The following AKAP9 variants were observed in gnomAD, a reference collection of about 807,000 sequenced individuals.
AKAP9 encodes the protein A-kinase anchoring protein 9.
A neutral mutation model predicts 488.5 loss-of-function variants in AKAP9; 311 were observed. The observed-to-expected ratio is 0.64, with a 90% CI of 0.58 to 0.70. The LOEUF (loss-of-function observed/expected upper bound fraction) is 0.70. Among genes scored for constraint, AKAP9 ranks in the 30% least tolerant of loss-of-function variants. The probability of loss-of-function intolerance (pLI) is 0.00; values close to 1 mark genes in which losing one functional copy is unlikely to be tolerated. For synonymous variants in AKAP9, 1,462 were observed against 1,483.5 expected (o/e 0.99, Z 0.33); for missense variants, 4,215 against 4,374.5 (o/e 0.96, Z 1.03).
chr7:92,105,845 T>C, intron 47 of AKAP9, 82 bp downstream of exon 47: 1 of 1,266,138 alleles, frequency 7.9e-7, no homozygotes, highest in East Asian at 2.3e-5. Flanking sequence ...GGACCATACT[T>C]GTCTGTGGCC....
Position 92,102,827 on chromosome 7 carries a change from G to T in AKAP9, c.11330+1G>T. The T allele has an allele frequency of 6.2e-7, 1 of 1,613,046 alleles. No homozygotes were observed. The highest frequency in any genetic ancestry group is 8.5e-7 in the Non-Finnish European group (1 of 1,179,268). The stretch of plus-strand genomic sequence containing the variant: ...TCAGAGTATCCATTGCAATTTCCAG[G>T]TAAAGACTTGAAGGAAAATGCATTT... On this transcript the variant is annotated splice_donor_variant, in intron 46 of 49. Transcript: ENST00000356239. LOFTEE classifies it high-confidence loss of function.
intron 29 of AKAP9, 141 bp from the exon 30 acceptor site, chr7:92,077,555 A>T: frequency 1.3e-6 from 1 of 751,436 alleles, no homozygotes; most frequent in Non-Finnish European, 2.2e-6. Flanking sequence ...AAAATATTTT[A>T]GAATTATTGA....
In AKAP9 at chr7:92,098,155, G is replaced by C; in HGVS notation, c.10654G>C (p.Glu3552Gln). 6.2e-7 allele frequency: 1 copy of C among 1,612,964 alleles called. No homozygotes were observed. Among genetic ancestry groups the C allele is most frequent in the Non-Finnish European group, 8.5e-7 (1 of 1,179,104 alleles). ...TGATGAAGATTTCATTTGGGTTCAG[G>C]AAAATATTGATGAAATTATTTTACA... ...ADDEDFIWVQENIDEIILQLQ... is the reference protein window; with the variant it reads ...ADDEDFIWVQQNIDEIILQLQ... The change falls in exon 43 of 50, where the codon GAA becomes CAA. Residue 3552 changes from glutamate to glutamine, a missense_variant. Around this residue, in one of 5 missense-constraint regions of AKAP9, gnomAD observed 1,476 missense variants for 1,477.4 expected, o/e 1.00. Transcript: ENST00000356239.
chr7:91,983,297 T>C (rs1461575391), intron 3 of AKAP9, among the ~76,000 whole-genome samples: 1 of 152,022 alleles, frequency 6.6e-6, no homozygotes, highest in Non-Finnish European at 1.5e-5. Flanking sequence ...TGAGAACATG[T>C]GGTGTTTGGT....
chr7:92,010,088 G>C (rs550536574), intron 8 of AKAP9, among the ~76,000 whole-genome samples: 40 of 152,136 alleles, frequency 2.6e-4, no homozygotes, highest in Non-Finnish European at 5.0e-4. Flanking sequence ...GGAGGATCTC[G>C]CTGTGTTGCC....
chr7:92,082,559 G>A lies in AKAP9; in HGVS notation c.8057G>A (p.Gly2686Glu), dbSNP rs1268680682. The A allele has an allele frequency of 6.2e-7, 1 of 1,613,836 alleles. No individual in the cohort carries two copies. Among genetic ancestry groups the A allele is most frequent in the South Asian group, 1.1e-5 (1 of 91,068 alleles). ...TELFHSNEES[G>E]FFNELEALRA... Reference sequence around the variant, plus strand: ...CTATTTCATAGCAATGAAGAAAGTGGATTTTTTAATGAACTCGAGGCTCTT... The same window carrying A: ...CTATTTCATAGCAATGAAGAAAGTGAATTTTTTAATGAACTCGAGGCTCTT... Residue 2686 changes from glycine (G) to glutamate (E), a missense_variant, in exon 32 of 50, where the codon GGA becomes GAA. Coordinates refer to ENST00000356239, the MANE Select transcript of AKAP9 (RefSeq NM_005751.5).
intron 12 of AKAP9, among the ~76,000 whole-genome samples, chr7:92,021,055 C>T (rs2130727386): frequency 6.6e-6 from 1 of 152,282 alleles, no homozygotes; most frequent in Admixed American, 6.5e-5. Context: ...ATTAAACCCT[C>T]CTCAAGAAGA....
At chr7:92,035,045 C>T (rs773306531) in intron 16 of AKAP9, among the ~76,000 whole-genome samples, 1 of 152,040 alleles carries the variant, frequency 6.6e-6, no homozygotes, top group Non-Finnish European at 1.5e-5. Context: ...AAAGGAATTT[C>T]TTTTCTAATG....
In AKAP9 at chr7:92,079,407, A is replaced by G. The variant is rs150229698; in HGVS notation, c.7274A>G (p.Gln2425Arg). The G allele has an allele frequency of 2.5e-6, 4 of 1,614,112 alleles. No homozygotes were observed. The African/African-American group carries it at 5.3e-5, about 22-fold the overall frequency. ...AAAGAAACCAATTTTAAAATGAATCAGCTAACACAGGAATTATTCAGCTTA... is the reference window on the plus strand; with the variant it reads ...AAAGAAACCAATTTTAAAATGAATCGGCTAACACAGGAATTATTCAGCTTA... The part of the protein sequence containing the change: ...VLKETNFKMN[Q>R]LTQELFSLKR... Residue 2425 changes from glutamine to arginine, a missense_variant, in exon 31 of 50, where the codon CAG becomes CGG. Transcript: ENST00000356239.
chr7:91,992,047 A>G, intron 3 of AKAP9, 111 bp from the exon 4 acceptor site: 1 of 902,634 alleles, frequency 1.1e-6, no homozygotes, highest in Non-Finnish European at 1.8e-6. Context: ...CCAATGATGC[A>G]TTTTCCCTAG....
intron 22 of AKAP9, among the ~76,000 whole-genome samples, chr7:92,059,190 CA>C (rs969187661): frequency 6.6e-6 from 1 of 151,866 alleles, no homozygotes; most frequent in Admixed American, 6.6e-5. Flanking sequence ...TGATACTTTA[CA>C]TGTACTTTTA....
chr7:92,085,783 A>G (rs1239752509), intron 36 of AKAP9, 97 bp downstream of exon 36: 21 of 934,194 alleles, frequency 2.2e-5, no homozygotes, highest in Non-Finnish European at 3.1e-5. Flanking sequence ...ATATTTTTGC[A>G]TGAATAACTA....
intron 12 of AKAP9, among the ~76,000 whole-genome samples, chr7:92,022,032 T>C (rs1365069671): frequency 6.6e-6 from 1 of 152,200 alleles, no homozygotes; most frequent in Non-Finnish European, 1.5e-5. Flanking sequence ...ACTAATATAA[T>C]TTCAGTGCTA....
chr7:92,016,374 T>G, intron 11 of AKAP9, 107 bp downstream of exon 11: 1 of 804,134 alleles, frequency 1.2e-6, no homozygotes, highest in East Asian at 2.7e-5. Flanking sequence ...AAGTTGTTTT[T>G]CATCTTAACA....
Position 92,040,685 on chromosome 7 carries a change from G to C in AKAP9, c.4704G>C (p.Glu1568Asp). 6.9e-7 allele frequency: 1 copy of C among 1,452,978 alleles called. No individual in the cohort carries two copies. The highest frequency in any genetic ancestry group is 9.6e-7 in the Non-Finnish European group (1 of 1,041,078). 90.0% of individuals were successfully genotyped at this position (1,452,978 alleles called of 1,614,324 possible). ...TTTTACTATTAAAGATTCATGATGA[G>C]ATTTCAGTGTCAAGCATGGATGCTT... ...TFIVRQSIHD[E>D]ISVSSMDASR... is the part of the protein sequence containing the mutation. The change falls in exon 18 of 50, where the codon GAG (glutamate) becomes GAC (aspartate). Residue 1568 changes from glutamate (E) to aspartate (D), a missense_variant. Physicochemically the swap from Glu to Asp is conservative, Grantham distance 45 (BLOSUM62 2). Transcript: ENST00000356239.
intron 8 of AKAP9, among the ~76,000 whole-genome samples, chr7:92,008,519 C>G (rs1461113823): frequency 2.0e-5 from 3 of 151,090 alleles, no homozygotes; most frequent in African/African-American, 7.3e-5. Context: ...AACCCCATCT[C>G]TACTAAAAAT....
At chr7:92,100,000 T>G in intron 44 of AKAP9, 131 bp downstream of exon 44, 1 of 780,084 alleles carries the variant, frequency 1.3e-6, no homozygotes, top group Non-Finnish European at 2.1e-6. Flanking sequence ...GTAGAAAATT[T>G]TATAGGGATG....
intron 1 of AKAP9, among the ~76,000 whole-genome samples, chr7:91,965,063 C>T (rs1451149076): frequency 1.3e-5 from 2 of 152,094 alleles, no homozygotes; most frequent in African/African-American, 4.8e-5. Flanking sequence ...TTATTTTATT[C>T]TAGCTATTTT....
intron 16 of AKAP9, among the ~76,000 whole-genome samples, chr7:92,033,952 C>T (rs13231578): frequency 0.42 from 63,097 of 151,870 alleles, 13,565 homozygotes; most frequent in African/African-American, 0.51. Context: ...CCTTACATTC[C>T]AGTTGGTACA....
Sources: allele counts gnomAD v4.1 joint callset (sites outside exome capture counted in the v4.1 genomes callset), GRCh38; gene constraint gnomAD v4.1.1; regional missense constraint gnomAD v4.1.1; transcripts MANE v1.5; gene names NCBI Gene and HGNC (gene_info 2026-07-23, HGNC 2026-07-21).